TTC6: variants seen among roughly 807,000 people sequenced by gnomAD.
TTC6 encodes the protein tetratricopeptide repeat protein 6.
Under a neutral mutation model 210.4 loss-of-function variants are expected in TTC6, and 172 were observed. The ratio of observed to expected loss-of-function variants is 0.82; its 90% CI spans 0.72 to 0.93. The LOEUF is 0.93. TTC6 is among the 40% of genes least tolerant of loss of function. The pLI, the probability that TTC6 is intolerant of heterozygous loss-of-function variation, is 0.00. For missense variants in TTC6, 2,414 were observed against 2,318.1 expected, an observed-to-expected ratio of 1.04 and a Z score of -0.85; for synonymous variants, 804 against 819.6, an observed-to-expected ratio of 0.98 and a Z score of 0.32.
At chr14:37,706,744 G>A (rs1340001829) in intron 5 of TTC6, among the ~76,000 whole-genome samples, 1 of 151,962 alleles carries the variant, frequency 6.6e-6, no homozygotes, top group Non-Finnish European at 1.5e-5. Flanking sequence ...TGATCCTTTT[G>A]TTTTCATTGT....
intron 1 of TTC6, among the ~76,000 whole-genome samples, chr14:37,634,980 C>G (rs1164090605): frequency 2.0e-5 from 3 of 151,976 alleles, no homozygotes; most frequent in African/African-American, 7.3e-5. Context: ...AGGAAGTTCT[C>G]TAAACAGAAA....
intron 6 of TTC6, among the ~76,000 whole-genome samples, chr14:37,723,412 T>C (rs912906773): frequency 6.6e-6 from 1 of 152,244 alleles, no homozygotes; most frequent in African/African-American, 2.4e-5. Context: ...TACATGTATC[T>C]ATACATATTT....
In TTC6 at chr14:37,821,276, G is replaced by C. The variant is rs544236580; in HGVS notation, c.4764-2471G>C. Among the ~76,000 whole-genome samples the C allele has an allele frequency of 2.0e-5, 3 of 151,878 alleles. No homozygotes were observed. In the South Asian group the frequency reaches 6.3e-4, roughly 32 times the overall value. On this transcript the variant is annotated intron_variant, in intron 26 of 30. Coordinates refer to ENST00000553443, the Ensembl canonical transcript of TTC6. ...TAGAGAAGGGGTTTCACCATGTTGG[G>C]CAAGCTGGTCTTGAACTCCTGACCT...
At chr14:37,697,765 A>G (rs1050093124) in intron 4 of TTC6, among the ~76,000 whole-genome samples, 1 of 152,214 alleles carries the variant, frequency 6.6e-6, no homozygotes, top group African/African-American at 2.4e-5. Flanking sequence ...GTATTAAAAC[A>G]AATAGTCACA....
chr14:37,697,234 A>AATAAT (rs1298731007), intron 4 of TTC6, among the ~76,000 whole-genome samples: 20 of 152,118 alleles, frequency 1.3e-4, no homozygotes, highest in African/African-American at 4.8e-4. Context: ...AATGTGCATA[A>AATAAT]GCCATCTGCT....
chr14:37,806,294 C>A, intron 21 of TTC6, 67 bp from the exon 24 acceptor site: 1 of 1,390,524 alleles, frequency 7.2e-7, no homozygotes, highest in Non-Finnish European at 9.5e-7. Flanking sequence ...TACTGTAATT[C>A]GTTAACATTT....
intron 1 of TTC6, among the ~76,000 whole-genome samples, chr14:37,650,975 G>T (rs745412777): frequency 1.3e-5 from 2 of 152,196 alleles, no homozygotes; most frequent in African/African-American, 2.4e-5. Flanking sequence ...TGGGATGCTA[G>T]TTTGAGAACT....
At chr14:37,695,274 T>C (rs1171803436) in intron 3 of TTC6, among the ~76,000 whole-genome samples, 1 of 151,930 alleles carries the variant, frequency 6.6e-6, no homozygotes, top group Non-Finnish European at 1.5e-5. Context: ...GTGGGGGTGG[T>C]TAATGGGTAC....
chr14:37,756,818 G>T (rs955886558), intron 14 of TTC6, among the ~76,000 whole-genome samples: 7 of 151,082 alleles, frequency 4.6e-5, no homozygotes, highest in South Asian at 2.1e-4. Flanking sequence ...CTTTTTTTTT[G>T]TTGTGTCTCT....
chr14:37,834,585 T>C (rs764854141), intron 29 of TTC6, among the ~76,000 whole-genome samples: 13 of 152,166 alleles, frequency 8.5e-5, no homozygotes, highest in Non-Finnish European at 1.5e-4. Context: ...CATGAAGTTT[T>C]TTTTATTTCT....
At chr14:37,832,329 C>CTTTTTTTTTTTTTTTTTTTTTTTTTTT (rs58133834) in intron 29 of TTC6, among the ~76,000 whole-genome samples, 4 of 68,908 alleles carry the variant, frequency 5.8e-5, no homozygotes, top group Non-Finnish European at 8.4e-5. Context: ...TTCTTTCTCT[C>CTTTTTTTTTTTTTTTTTTTTTTTTTTT]TTTTTTTTTT....
At chr14:37,652,311 C>T (rs2095714613) in intron 1 of TTC6, among the ~76,000 whole-genome samples, 1 of 152,088 alleles carries the variant, frequency 6.6e-6, no homozygotes, top group South Asian at 2.1e-4. Flanking sequence ...AACACCCGAT[C>T]AGAGAATAAT....
At chr14:37,611,742 A>G (rs1048931325) in intron 2 of TTC6, among the ~76,000 whole-genome samples, 13 of 152,122 alleles carry the variant, frequency 8.5e-5, no homozygotes, top group Non-Finnish European at 1.9e-4. Flanking sequence ...ATTTCCATCT[A>G]CCTGACCTCT....
rs2095746275 is a variant in TTC6, at chr14:37,665,537, A to G, written c.940-14614A>G. On this transcript the variant is annotated intron_variant, in intron 1 of 30. Transcript: ENST00000553443. ...AGGGAGAGCACCAGGAAGAACAGCTAATGGATGCTGGGCTTAATACCTAGG... is the reference window on the plus strand; with the variant it reads ...AGGGAGAGCACCAGGAAGAACAGCTGATGGATGCTGGGCTTAATACCTAGG... 1.3e-5 allele frequency among the ~76,000 whole-genome samples: 2 copies of G among 150,206 alleles called. 1 individual carries two copies. The highest frequency in any genetic ancestry group is 4.3e-4 in the South Asian group (2 of 4,694).
intron 14 of TTC6, among the ~76,000 whole-genome samples, chr14:37,767,007 A>C (rs1044376921): frequency 1.3e-5 from 2 of 151,338 alleles, no homozygotes; most frequent in African/African-American, 4.9e-5. Context: ...TGTCCATGTG[A>C]TCTCATTGTT....
chr14:37,727,516 A>G (rs1428472087), intron 7 of TTC6, among the ~76,000 whole-genome samples: 1 of 119,528 alleles, frequency 8.4e-6, no homozygotes, highest in Non-Finnish European at 1.7e-5. Context: ...GATGGTCTTG[A>G]TCTCCTGACC....
intron 20 of TTC6, among the ~76,000 whole-genome samples, chr14:37,800,199 T>C (rs996005043): frequency 5.3e-4 from 80 of 152,248 alleles, no homozygotes; most frequent in African/African-American, 1.9e-3. Context: ...GACACTAGCA[T>C]TGAGGACTCT....
chr14:37,611,556 G>C (rs540992569), intron 2 of TTC6, among the ~76,000 whole-genome samples: 13 of 152,258 alleles, frequency 8.5e-5, no homozygotes, highest in African/African-American at 2.4e-4. Flanking sequence ...GCCTTTCGTG[G>C]GAGAATGAGC....
upstream of TTC6, among the ~76,000 whole-genome samples, chr14:37,619,890 A>G (rs61987977): frequency 0.12 from 17,687 of 152,062 alleles, 1,226 homozygotes; most frequent in East Asian, 0.27. Context: ...TTGCACTGGC[A>G]TGAAACCAAA....
Sources: allele counts gnomAD v4.1 joint callset (sites outside exome capture counted in the v4.1 genomes callset), GRCh38; gene constraint gnomAD v4.1.1; transcripts MANE v1.5; gene names NCBI Gene and HGNC (gene_info 2026-07-23, HGNC 2026-07-21).